Variants in PDE7B observed in about 807,000 individuals in gnomAD.
PDE7B encodes 3',5'-cyclic-AMP phosphodiesterase 7B.
In PDE7B, 29 loss-of-function variants were observed where a neutral mutation model predicts 56.2. The ratio of observed to expected loss-of-function variants is 0.52; its 90% CI spans 0.38 to 0.70. The LOEUF (loss-of-function observed/expected upper bound fraction) is 0.70. PDE7B is among the 30% of genes least tolerant of loss of function. PDE7B has a pLI of 0.00. For missense variants in PDE7B, 490 were observed against 565.0 expected, an observed-to-expected ratio of 0.87 and a Z score of 1.35; for synonymous variants, 197 against 196.9, an observed-to-expected ratio of 1.00 and a Z score of 0.00.
At chr6:136,095,403 T>C (rs545400138) in intron 2 of PDE7B, among the ~76,000 whole-genome samples, 1 of 152,314 alleles carries the variant, frequency 6.6e-6, no homozygotes, top group South Asian at 2.1e-4. Context: ...TACAAAGTGA[T>C]TGGCAAAGCA....
chr6:136,160,716 C>T (rs561568330), intron 8 of PDE7B, among the ~76,000 whole-genome samples: 1 of 152,250 alleles, frequency 6.6e-6, no homozygotes, highest in East Asian at 1.9e-4. Context: ...TTTACCATCC[C>T]CGTTCTGATC....
chr6:135,892,547 A>G (rs1209005646), intron 1 of PDE7B, among the ~76,000 whole-genome samples: 2 of 152,206 alleles, frequency 1.3e-5, no homozygotes, highest in Non-Finnish European at 2.9e-5. Flanking sequence ...AAGCAGTTCT[A>G]GTCATTAAAT....
Position 135,953,030 on chromosome 6 carries a change from C to T in PDE7B, c.82+5506C>T, listed in dbSNP as rs565769741. Among the ~76,000 whole-genome samples the T allele has an allele frequency of 1.2e-3, 186 of 152,176 alleles. 1 individual carries two copies. Among genetic ancestry groups the T allele is most frequent in the Middle Eastern group, 3.4e-3 (1 of 294 alleles). ...AAACCAATGCATATTTAACCCAATG[C>T]GTATCTGACGACCTGAATTCTGGTT... On this transcript the variant is annotated intron_variant, in intron 2 of 12. Transcript: ENST00000308191.
Position 136,093,000 on chromosome 6 carries a change from T to C in PDE7B, c.83-15731T>C, listed in dbSNP as rs1777414913. Among the ~76,000 whole-genome samples the C allele has an allele frequency of 2.0e-5, 3 of 152,232 alleles. No individual in the cohort carries two copies. The South Asian group carries it at 6.2e-4, about 32-fold the overall frequency. ...GTGATGGATGCATTTATTAGCTTCA[T>C]GGTGGTAATCATTTCACAAGGTATA... On this transcript the variant is annotated intron_variant, in intron 2 of 12. Coordinates refer to ENST00000308191, the MANE Select transcript of PDE7B (RefSeq NM_018945.4).
chr6:136,079,726 C>CAA (rs35447604), intron 2 of PDE7B, among the ~76,000 whole-genome samples: 55 of 94,374 alleles, frequency 5.8e-4, no homozygotes, highest in African/African-American at 1.5e-3. Flanking sequence ...ATTAGGAAGA[C>CAA]AAAAAAAAAA....
chr6:135,984,946 C>T (rs533869397), intron 2 of PDE7B, among the ~76,000 whole-genome samples: 1 of 151,630 alleles, frequency 6.6e-6, no homozygotes, highest in Admixed American at 6.6e-5. Context: ...AGAACAGAAA[C>T]AAACAAAAAA....
At chr6:136,141,786 T>C (rs541814161) in intron 3 of PDE7B, among the ~76,000 whole-genome samples, 9 of 152,346 alleles carry the variant, frequency 5.9e-5, no homozygotes, top group African/African-American at 2.2e-4. Context: ...TGGTAGTTTG[T>C]ATTTCTGTGG....
chr6:136,053,170 T>C (rs373824387), intron 2 of PDE7B, among the ~76,000 whole-genome samples: 1 of 151,350 alleles, frequency 6.6e-6, no homozygotes, highest in East Asian at 2.0e-4. Flanking sequence ...TAACTCATCA[T>C]TTAGCATTAG....
chr6:136,021,807 T>C (rs945013747), intron 2 of PDE7B, among the ~76,000 whole-genome samples: 3 of 152,218 alleles, frequency 2.0e-5, no homozygotes, highest in African/African-American at 7.2e-5. Flanking sequence ...GAGCTACCAG[T>C]GTGGTCTTAT....
chr6:135,982,167 A>G (rs942577731), intron 2 of PDE7B, among the ~76,000 whole-genome samples: 1 of 152,074 alleles, frequency 6.6e-6, no homozygotes, highest in Non-Finnish European at 1.5e-5. Flanking sequence ...AAGAACTCTT[A>G]GTTTCATGTA....
intron 3 of PDE7B, among the ~76,000 whole-genome samples, chr6:136,125,168 C>T (rs1445273978): frequency 6.6e-6 from 1 of 152,126 alleles, no homozygotes; most frequent in Non-Finnish European, 1.5e-5. Context: ...GTTACAGAAA[C>T]AACCTTTTAT....
At chr6:136,021,683 T>C (rs1034428964) in intron 2 of PDE7B, among the ~76,000 whole-genome samples, 3 of 152,102 alleles carry the variant, frequency 2.0e-5, no homozygotes, top group African/African-American at 7.2e-5. Context: ...TATTTTTCCT[T>C]CAGTCTCACA....
chr6:135,982,967 T>A (rs1775320757), intron 2 of PDE7B, among the ~76,000 whole-genome samples: 1 of 152,206 alleles, frequency 6.6e-6, no homozygotes, highest in South Asian at 2.1e-4. Context: ...TGTTTTGTCC[T>A]CATCTAGTTT....
At chr6:135,953,053 GTTTGA>G (rs1274060371) in intron 2 of PDE7B, among the ~76,000 whole-genome samples, 1 of 151,956 alleles carries the variant, frequency 6.6e-6, no homozygotes, top group East Asian at 1.9e-4. Context: ...CTGAATTCTG[GTTTGA>G]TTTTTTTTAA....
intron 2 of PDE7B, chr6:136,044,124 G>A (rs551313003): frequency 6.6e-6 from 1 of 152,254 alleles, no homozygotes; most frequent in Non-Finnish European, 1.5e-5. Flanking sequence ...TCGTATGCTA[G>A]CCCCTTCATG....
intron 8 of PDE7B, among the ~76,000 whole-genome samples, chr6:136,169,365 C>T (rs952675061): frequency 1.3e-5 from 2 of 152,182 alleles, no homozygotes; most frequent in Non-Finnish European, 2.9e-5. Context: ...GTCTTTTAAT[C>T]TGTACCAGCT....
At chr6:136,133,135 C>T (rs1778146754) in intron 3 of PDE7B, among the ~76,000 whole-genome samples, 1 of 152,008 alleles carries the variant, frequency 6.6e-6, no homozygotes, top group Non-Finnish European at 1.5e-5. Context: ...CAGTGCTTTC[C>T]CTTTCTAAAG....
At chr6:136,167,352 G>C (rs548188265) in intron 8 of PDE7B, among the ~76,000 whole-genome samples, 61 of 150,360 alleles carry the variant, frequency 4.1e-4, no homozygotes, top group African/African-American at 1.5e-3. Context: ...TCTGTGTCAT[G>C]GGGGGGAACA....
At chr6:135,933,725 A>ATG in intron 1 of PDE7B, among the ~76,000 whole-genome samples, 1 of 35,848 alleles carries the variant, frequency 2.8e-5, no homozygotes. Context: ...TAAATGATGA[A>ATG]TATGTCATAT....
Sources: gnomAD v4.1 joint callset for allele counts (sites outside exome capture counted in the v4.1 genomes callset) on GRCh38, gnomAD v4.1.1 for gene constraint, MANE v1.5 for transcripts, NCBI Gene and HGNC (gene_info 2026-07-23, HGNC 2026-07-21) for gene names.